The following PPFIA2 variants were observed in gnomAD, a reference collection of about 807,000 sequenced individuals.
PPFIA2 encodes PPFI scaffold protein A2.
Under a neutral mutation model 175.5 loss-of-function variants are expected in PPFIA2, and 46 were observed. The observed-to-expected ratio is 0.26, with a 90% CI of 0.21 to 0.34. The LOEUF (loss-of-function observed/expected upper bound fraction) is 0.34. Among genes scored for constraint, PPFIA2 ranks in the 10% least tolerant of loss-of-function variants. The pLI is 1.00. For synonymous variants in PPFIA2, 568 were observed against 511.4 expected (o/e 1.11, Z -1.49); for missense variants, 1,179 against 1,506.1 (o/e 0.78, Z 3.60).
chr12:81,549,134 A>C (rs764306743), intron 4 of PPFIA2, among the ~76,000 whole-genome samples: 40 of 152,130 alleles, frequency 2.6e-4, no homozygotes, highest in Admixed American at 7.9e-4. Context: ...TCCCTTAGAG[A>C]TATCTGCCTT....
intron 3 of PPFIA2, among the ~76,000 whole-genome samples, chr12:81,730,168 T>C (rs577023945): frequency 2.0e-5 from 3 of 151,724 alleles, no homozygotes; most frequent in African/African-American, 7.2e-5. Context: ...CTCCTTTGCA[T>C]AGAGAAAGTT....
intron 4 of PPFIA2, among the ~76,000 whole-genome samples, chr12:81,559,456 G>T (rs1415993998): frequency 1.3e-5 from 2 of 152,072 alleles, no homozygotes; most frequent in African/African-American, 2.4e-5. Flanking sequence ...GTATTCTATT[G>T]GGAGAAAAAT....
intron 3 of PPFIA2, among the ~76,000 whole-genome samples, chr12:81,680,292 T>C (rs948835413): frequency 4.6e-5 from 7 of 152,032 alleles, no homozygotes; most frequent in South Asian, 2.1e-4. Context: ...CAGGTACTTT[T>C]ATAAGTGCTT....
chr12:81,699,548 T>C (rs1460919483), intron 3 of PPFIA2, among the ~76,000 whole-genome samples: 1 of 110,008 alleles, frequency 9.1e-6, no homozygotes, highest in Admixed American at 9.8e-5. Context: ...ATATCCTCTC[T>C]AAAACAAAAA....
At position 81,450,720 on chromosome 12, in the gene PPFIA2, T is replaced by C. The variant is rs140955104; in HGVS notation, c.406-5000A>G. On this transcript the variant is annotated intron_variant, in intron 5 of 32. Transcript: ENST00000549396. ...TAGACATGAAGTCCTATCATCCCTA[T>C]GTCCTGAATGGTATTGCCTAGGTTT... Among the ~76,000 whole-genome samples the C allele has an allele frequency of 7.7e-3, 1,172 of 152,340 alleles. 15 individuals carry two copies. Among genetic ancestry groups the C allele is most frequent in the African/African-American group, 0.026 (1,073 of 41,586 alleles).
At chr12:81,676,137 AT>A (rs897243517) in intron 4 of PPFIA2, among the ~76,000 whole-genome samples, 2 of 152,084 alleles carry the variant, frequency 1.3e-5, no homozygotes, top group Non-Finnish European at 2.9e-5. Context: ...AAATGTATGC[AT>A]TGACTATTTG....
At chr12:81,293,329 C>A (rs1263731163) in intron 24 of PPFIA2, among the ~76,000 whole-genome samples, 2 of 151,818 alleles carry the variant, frequency 1.3e-5, no homozygotes, top group East Asian at 1.9e-4. Context: ...ACATTTTGTT[C>A]TTTTCTAGGA....
At chr12:81,727,438 T>G (rs1357854168) in intron 3 of PPFIA2, among the ~76,000 whole-genome samples, 1 of 151,358 alleles carries the variant, frequency 6.6e-6, no homozygotes, top group Non-Finnish European at 1.5e-5. Flanking sequence ...GTAATATAAT[T>G]TCATTGCCAT....
intron 4 of PPFIA2, among the ~76,000 whole-genome samples, chr12:81,554,649 A>C (rs891489767): frequency 6.6e-6 from 1 of 152,078 alleles, no homozygotes; most frequent in African/African-American, 2.4e-5. Flanking sequence ...TAATTTGCTC[A>C]TGTCCTCAAA....
chr12:81,353,069 G>T lies in PPFIA2; in HGVS notation c.1994+50C>A, dbSNP rs928104945. On this transcript the variant is annotated intron_variant, in intron 17 of 32. Transcript: ENST00000549396. Reference sequence around the variant, plus strand: ...ATCTAGTAATTACATTTTTAGTACAGTATCAAGGTCTTCTAATTTCTTGAA... The same window carrying T: ...ATCTAGTAATTACATTTTTAGTACATTATCAAGGTCTTCTAATTTCTTGAA... 6 of 1,511,554 alleles carry T rather than the reference G, an allele frequency of 4.0e-6. No homozygotes were observed. In the African/African-American group the frequency reaches 8.3e-5, roughly 21 times the overall value. The allele number at this position is 1,511,554 out of a possible 1,614,324, so 93.6% of individuals were successfully genotyped here.
At chr12:81,713,003 T>G (rs969983094) in intron 3 of PPFIA2, among the ~76,000 whole-genome samples, 3 of 151,220 alleles carry the variant, frequency 2.0e-5, no homozygotes, top group Non-Finnish European at 4.4e-5. Flanking sequence ...GTCTAAAATG[T>G]CACGATTAAC....
intron 2 of PPFIA2, among the ~76,000 whole-genome samples, chr12:81,757,775 C>CT (rs991774336): frequency 1.8e-4 from 27 of 152,198 alleles, no homozygotes; most frequent in Non-Finnish European, 2.6e-4. Flanking sequence ...CTACAAAAAG[C>CT]TTTTTTTCTT....
At chr12:81,521,638 C>A (rs2063141587) in intron 4 of PPFIA2, among the ~76,000 whole-genome samples, 1 of 132,580 alleles carries the variant, frequency 7.5e-6, no homozygotes, top group African/African-American at 2.9e-5. Context: ...TAACAAGGAT[C>A]TCTAATAAAA....
intron 4 of PPFIA2, among the ~76,000 whole-genome samples, chr12:81,566,245 C>T (rs568482206): frequency 2.6e-5 from 4 of 152,106 alleles, no homozygotes; most frequent in East Asian, 1.9e-4. Flanking sequence ...ACGTTTTGGC[C>T]GGGCACGGTG....
chr12:81,404,383 T>G (rs1228978733), intron 8 of PPFIA2, among the ~76,000 whole-genome samples: 1 of 152,178 alleles, frequency 6.6e-6, no homozygotes, highest in Non-Finnish European at 1.5e-5. Context: ...TATAATTCTC[T>G]GAGGAGAGGT....
chr12:81,623,923 A>G (rs561748108), intron 4 of PPFIA2, among the ~76,000 whole-genome samples: 1 of 152,058 alleles, frequency 6.6e-6, no homozygotes, highest in African/African-American at 2.4e-5. Context: ...AATAATTTTC[A>G]TTATTTTTTG....
intron 4 of PPFIA2, among the ~76,000 whole-genome samples, chr12:81,584,012 A>G (rs1409700723): frequency 6.6e-6 from 1 of 151,920 alleles, no homozygotes; most frequent in East Asian, 1.9e-4. Flanking sequence ...TGACACATTT[A>G]GAATTAACTG....
intron 3 of PPFIA2, among the ~76,000 whole-genome samples, chr12:81,724,260 C>A (rs927823606): frequency 6.6e-6 from 1 of 150,964 alleles, no homozygotes; most frequent in Non-Finnish European, 1.5e-5. Flanking sequence ...TGTAAAAGCT[C>A]TATAATTATA....
chr12:81,554,105 G>A (rs185224551), intron 4 of PPFIA2, among the ~76,000 whole-genome samples: 2 of 152,088 alleles, frequency 1.3e-5, no homozygotes, highest in Admixed American at 1.3e-4. Context: ...ACTAGAATGA[G>A]GAGACTCAGT....
Sources: allele counts gnomAD v4.1 joint callset (sites outside exome capture counted in the v4.1 genomes callset), GRCh38; gene constraint gnomAD v4.1.1; transcripts MANE v1.5; gene names NCBI Gene and HGNC (gene_info 2026-07-23, HGNC 2026-07-21).